The following ETV6 variants were observed in gnomAD, a reference collection of about 807,000 sequenced individuals.
ETV6 encodes transcription factor ETV6.
Under a neutral mutation model 51.1 loss-of-function variants are expected in ETV6, and 16 were observed. That is an observed-to-expected ratio of 0.31 (90% CI 0.21 to 0.48). The LOEUF (loss-of-function observed/expected upper bound fraction) is 0.48, where lower values mean the gene tolerates loss of function less well. Among genes scored for constraint, ETV6 ranks in the 20% least tolerant of loss-of-function variants. The pLI is 0.99. For synonymous variants in ETV6, 240 were observed against 224.1 expected (o/e 1.07, Z -0.64); for missense variants, 458 against 594.8 (o/e 0.77, Z 2.39).
intron 5 of ETV6, among the ~76,000 whole-genome samples, chr12:11,881,945 A>C (rs1345045629): frequency 1.3e-5 from 2 of 152,090 alleles, no homozygotes; most frequent in Non-Finnish European, 2.9e-5. Flanking sequence ...CCACACCCCC[A>C]CCTCAGCCCA....
At chr12:11,771,166 T>C (rs1450539490) in intron 2 of ETV6, among the ~76,000 whole-genome samples, 1 of 152,226 alleles carries the variant, frequency 6.6e-6, no homozygotes, top group Non-Finnish European at 1.5e-5. Flanking sequence ...GAGCAAGATA[T>C]TGTGTCAAAA....
intron 2 of ETV6, among the ~76,000 whole-genome samples, chr12:11,782,687 ACT>A (rs1945429684): frequency 6.6e-6 from 1 of 151,940 alleles, no homozygotes; most frequent in African/African-American, 2.4e-5. Context: ...AGAGTGAGAC[ACT>A]CTTGCTTGGT....
At chr12:11,850,748 C>T (rs957974937) in intron 3 of ETV6, among the ~76,000 whole-genome samples, 4 of 152,204 alleles carry the variant, frequency 2.6e-5, no homozygotes, top group Admixed American at 6.5e-5. Context: ...AGGGCATGCC[C>T]GAGGAGGCAC....
At chr12:11,861,708 G>A (rs1946720748) in intron 4 of ETV6, among the ~76,000 whole-genome samples, 1 of 152,088 alleles carries the variant, frequency 6.6e-6, no homozygotes, top group Non-Finnish European at 1.5e-5. Flanking sequence ...TGAGATAAGG[G>A]GCTGGGAGCA....
At chr12:11,714,662 A>G (rs1296781608) in intron 1 of ETV6, among the ~76,000 whole-genome samples, 2 of 151,650 alleles carry the variant, frequency 1.3e-5, no homozygotes, top group South Asian at 2.1e-4. Flanking sequence ...AAAAAAAAAA[A>G]AAAAAAAAAA....
chr12:11,884,826 G>C (rs1437270760), intron 6 of ETV6, among the ~76,000 whole-genome samples: 4 of 152,156 alleles, frequency 2.6e-5, no homozygotes, highest in Non-Finnish European at 4.4e-5. Flanking sequence ...TTGCTGGGCT[G>C]CATCATGAGT....
chr12:11,650,032 A>G lies in ETV6; in HGVS notation c.-96A>G. Reference sequence around the variant, plus strand: ...GATGCTGGAAGAAACTTCTTAAATGACCGCGTCTGGCTGGCCGTGGAGCCT... The same window carrying G: ...GATGCTGGAAGAAACTTCTTAAATGGCCGCGTCTGGCTGGCCGTGGAGCCT... On this transcript the variant is annotated 5_prime_UTR_variant, in exon 1 of 8. Coordinates refer to ENST00000396373, the MANE Select transcript of ETV6 (RefSeq NM_001987.5). The G allele has an allele frequency of 8.9e-7, 1 of 1,128,566 alleles. No homozygotes were observed. Among genetic ancestry groups the G allele is most frequent in the Non-Finnish European group, 1.3e-6 (1 of 742,134 alleles). The allele number at this position is 1,128,566 out of a possible 1,614,324, so 69.9% of individuals were successfully genotyped here.
intron 2 of ETV6, among the ~76,000 whole-genome samples, chr12:11,777,699 T>A (rs1945351086): frequency 6.6e-6 from 1 of 152,150 alleles, no homozygotes. Context: ...TTCTCTCGCC[T>A]CTTTCTTCTG....
At chr12:11,708,388 A>G (rs1325044961) in intron 1 of ETV6, among the ~76,000 whole-genome samples, 1 of 152,192 alleles carries the variant, frequency 6.6e-6, no homozygotes, top group African/African-American at 2.4e-5. Context: ...GAAGCTGCTG[A>G]AAGACTGGAA....
intron 2 of ETV6, among the ~76,000 whole-genome samples, chr12:11,779,259 T>A (rs1474481643): frequency 2.0e-5 from 3 of 152,224 alleles, no homozygotes; most frequent in African/African-American, 7.2e-5. Flanking sequence ...TTGTACTTTT[T>A]ATGGTTCTTA....
At position 11,669,051 on chromosome 12, in the gene ETV6, C is replaced by T. The variant is rs77606092; in HGVS notation, c.33+18891C>T. Among the ~76,000 whole-genome samples the T allele has an allele frequency of 1.0e-3, 153 of 152,318 alleles. 1 individual carries two copies. The highest frequency in any genetic ancestry group is 3.5e-3 in the African/African-American group (144 of 41,574). On this transcript the variant is annotated intron_variant, in intron 1 of 7. Coordinates refer to ENST00000396373, the MANE Select transcript of ETV6 (RefSeq NM_001987.5). ...AATTAGGTCTAATTCTGTACACACCCGCATGCACATGCACACATATCTTTT... is the reference window on the plus strand; with the variant it reads ...AATTAGGTCTAATTCTGTACACACCTGCATGCACATGCACACATATCTTTT...
At chr12:11,773,204 A>G (rs545833834) in intron 2 of ETV6, among the ~76,000 whole-genome samples, 3 of 149,474 alleles carry the variant, frequency 2.0e-5, no homozygotes, top group Non-Finnish European at 3.0e-5. Flanking sequence ...AAAAAAAAAA[A>G]AAAAAAAATG....
At chr12:11,691,483 T>TA (rs1864762368) in intron 1 of ETV6, among the ~76,000 whole-genome samples, 1 of 152,246 alleles carries the variant, frequency 6.6e-6, no homozygotes, top group South Asian at 2.1e-4. Flanking sequence ...CATATCGTTC[T>TA]AAAATGGAAC....
rs941515113 is a variant in ETV6 at position 11,895,296 on chromosome 12, A to C, written c.*4250A>C. The C allele has an allele frequency of 8.6e-6, 2 of 232,730 alleles. No homozygotes were observed. Among genetic ancestry groups the C allele is most frequent in the Non-Finnish European group, 1.7e-5 (2 of 117,614 alleles). 14.4% of individuals were successfully genotyped at this position (232,730 alleles called of 1,614,324 possible). A position where few individuals can be genotyped will look rare whatever the true frequency, so the allele number is the denominator to read the frequency against. On this transcript the variant is annotated 3_prime_UTR_variant, in exon 8 of 8. Coordinates refer to ENST00000396373, the MANE Select transcript of ETV6 (RefSeq NM_001987.5). The stretch of plus-strand genomic sequence containing the variant: ...AATGAATGTAACAAAAAAGAAAAAA[A>C]AAACAAAAAAAAATGCCTTTTCTCA...
At chr12:11,700,951 C>T (rs995106659) in intron 1 of ETV6, among the ~76,000 whole-genome samples, 2 of 152,184 alleles carry the variant, frequency 1.3e-5, no homozygotes, top group African/African-American at 4.8e-5. Context: ...ACAGGGCTTC[C>T]AGGCTTTAGT....
intron 1 of ETV6, among the ~76,000 whole-genome samples, chr12:11,741,646 T>G (rs748274727): frequency 6.6e-6 from 1 of 152,208 alleles, no homozygotes; most frequent in Non-Finnish European, 1.5e-5. Flanking sequence ...GTTGTTCATA[T>G]GTAGGTCAGG....
At chr12:11,856,825 A>T (rs977415422) in intron 4 of ETV6, among the ~76,000 whole-genome samples, 2 of 152,228 alleles carry the variant, frequency 1.3e-5, no homozygotes, top group Non-Finnish European at 2.9e-5. Flanking sequence ...CTGAAAAAAA[A>T]ATCTGTCAAG....
chr12:11,685,242 G>A (rs2120762703), intron 1 of ETV6, among the ~76,000 whole-genome samples: 1 of 151,530 alleles, frequency 6.6e-6, no homozygotes, highest in Middle Eastern at 3.4e-3. Flanking sequence ...GGACCATCCG[G>A]AGTACACCAA....
At chr12:11,741,784 T>C (rs1183422925) in intron 1 of ETV6, among the ~76,000 whole-genome samples, 1 of 152,246 alleles carries the variant, frequency 6.6e-6, no homozygotes, top group African/African-American at 2.4e-5. Context: ...TTCTAAAACC[T>C]ATTGTGAAAG....
Sources: allele counts gnomAD v4.1 joint callset (sites outside exome capture counted in the v4.1 genomes callset), GRCh38; gene constraint gnomAD v4.1.1; transcripts MANE v1.5; gene names NCBI Gene and HGNC (gene_info 2026-07-23, HGNC 2026-07-21).